TRIR: variants seen among roughly 807,000 people sequenced by gnomAD.
TRIR encodes the protein telomerase RNA component-interacting RNase.
Under a neutral mutation model 18.2 loss-of-function variants are expected in TRIR, and 5 were observed. That is an observed-to-expected ratio of 0.27 (90% CI 0.14 to 0.58). The LOEUF is 0.58. TRIR is among the 20% of genes least tolerant of loss of function. The pLI is 0.91. For synonymous variants in TRIR, 134 were observed against 114.4 expected (o/e 1.17, Z -1.10); for missense variants, 206 against 252.8 (o/e 0.81, Z 1.25).
rs1406406418 is a variant in TRIR, at chr19:12,731,228, C to T, written c.423+116G>A. ...TGGGGACCCATTGACAGCCCTCCTA[C>T]CCTGCCAGGCACACTCATAAAAGGC... On this transcript the variant is annotated intron_variant, in intron 2 of 2. Coordinates refer to ENST00000242784, the MANE Select transcript of TRIR (RefSeq NM_024038.4). This position sits in a 1 kb window ranked among gnomAD's most constrained non-coding sequence, Gnocchi z 5.1. The T allele has an allele frequency of 2.2e-6, 3 of 1,371,434 alleles. No individual in the cohort carries two copies. The highest frequency in any genetic ancestry group is 2.3e-5 in the East Asian group (1 of 43,662). 85.0% of individuals were successfully genotyped at this position (1,371,434 alleles called of 1,614,324 possible).
At position 12,734,445 on chromosome 19, in the gene TRIR, C is replaced by G; in HGVS notation, c.213G>C (p.Arg71=). 6.5e-7 allele frequency: 1 copy of G among 1,532,512 alleles called. No individual in the cohort carries two copies. Among genetic ancestry groups the G allele is most frequent in the Non-Finnish European group, 8.8e-7 (1 of 1,140,880 alleles). The allele number at this position is 1,532,512 out of a possible 1,614,324, so 94.9% of individuals were successfully genotyped here. A position where few individuals can be genotyped will look rare whatever the true frequency, so the allele number is the denominator to read the frequency against. The part of the protein sequence containing the change: ...NDGSFLELFK[R]KMEEEQRQRQ... ...GCTGCCGCTGCTCCTCCTCCATCTT[C>G]CGCTTGAACAGCTCCAGGAAGCTGC... The change falls in exon 1 of 3, where the codon CGG becomes CGC. Residue 71 remains arginine (R), a synonymous_variant. Coordinates refer to ENST00000242784, the MANE Select transcript of TRIR (RefSeq NM_024038.4). This position sits in a 1 kb window ranked among gnomAD's most constrained non-coding sequence, Gnocchi z 4.1.
chr19:12,731,534 GC>G lies in TRIR; in HGVS notation c.346-114del. The G allele has an allele frequency of 8.9e-7, 1 of 1,121,624 alleles. No homozygotes were observed. Among genetic ancestry groups the G allele is most frequent in the Non-Finnish European group, 1.3e-6 (1 of 796,074 alleles). 69.5% of individuals were successfully genotyped at this position (1,121,624 alleles called of 1,614,324 possible). On this transcript the variant is annotated intron_variant, in intron 1 of 2. Transcript: ENST00000242784. This position sits in a 1 kb window ranked among gnomAD's most constrained non-coding sequence, Gnocchi z 5.1. ...GCCTGGTGGCCCGTCCTGACGCCGC[GC>G]CCAGCTCCGCCAGCCGGCCGACCTG...
chr19:12,732,414 T>C lies in TRIR; in HGVS notation c.346-993A>G, dbSNP rs1210368767. Among the ~76,000 whole-genome samples the C allele has an allele frequency of 3.3e-5, 5 of 152,104 alleles. No homozygotes were observed. The East Asian group carries it at 9.7e-4, about 29-fold the overall frequency. The stretch of plus-strand genomic sequence containing the variant: ...CATGAAGGGACTCCACTCGCAGGTA[T>C]CACACCAACCCTGGTCCTGACGCTT... On this transcript the variant is annotated intron_variant, in intron 1 of 2. Coordinates refer to ENST00000242784, the MANE Select transcript of TRIR (RefSeq NM_024038.4).
At chr19:12,732,078 T>C (rs1205573898) in intron 1 of TRIR, among the ~76,000 whole-genome samples, 5 of 137,730 alleles carry the variant, frequency 3.6e-5, no homozygotes, top group Non-Finnish European at 7.6e-5. Flanking sequence ...GAGCCGAGGT[T>C]GCACCATTGC....
chr19:12,733,937 T>G (rs1967481597), intron 1 of TRIR, among the ~76,000 whole-genome samples: 1 of 152,244 alleles, frequency 6.6e-6, no homozygotes, highest in Non-Finnish European at 1.5e-5. Flanking sequence ...GTACGTGGTC[T>G]GAGTCTAACA....
chr19:12,732,601 T>C (rs1967453877), intron 1 of TRIR, among the ~76,000 whole-genome samples: 1 of 151,960 alleles, frequency 6.6e-6, no homozygotes, highest in Non-Finnish European at 1.5e-5. Context: ...TTTCCATTTT[T>C]TTTTTTTTTT....
intron 1 of TRIR, among the ~76,000 whole-genome samples, chr19:12,732,486 C>T (rs776494834): frequency 1.3e-5 from 2 of 152,208 alleles, no homozygotes; most frequent in Non-Finnish European, 2.9e-5. Context: ...AGCCTTTCAT[C>T]CTGTATCCCA....
rs1967420300 is a variant in TRIR, at chr19:12,731,131, G to A, written c.424-63C>T. On this transcript the variant is annotated intron_variant, in intron 2 of 2. Coordinates refer to ENST00000242784, the MANE Select transcript of TRIR (RefSeq NM_024038.4). The surrounding 1 kb of genome is among the most constrained non-coding windows in gnomAD (Gnocchi z 5.1). ...GGAACCAGGGTCAGGACTGCCCTGA[G>A]ACAGGTGACCCATTCCCAGTGTCAC... 4 of 1,411,748 alleles carry A rather than the reference G, an allele frequency of 2.8e-6. No homozygotes were observed. Among genetic ancestry groups the A allele is most frequent in the Non-Finnish European group, 4.0e-6 (4 of 996,684 alleles). 87.5% of individuals were successfully genotyped at this position (1,411,748 alleles called of 1,614,324 possible). A position where few individuals can be genotyped will look rare whatever the true frequency, so the allele number is the denominator to read the frequency against.
chr19:12,733,057 C>T (rs1340991340), intron 1 of TRIR, among the ~76,000 whole-genome samples: 1 of 152,104 alleles, frequency 6.6e-6, no homozygotes, highest in Non-Finnish European at 1.5e-5. Flanking sequence ...GCATGTGTGG[C>T]ACCATGCCCA....
Position 12,734,621 on chromosome 19 carries a change from G to T in TRIR, c.37C>A (p.Arg13=), listed in dbSNP as rs765918313. Residue 13 remains arginine (R), a synonymous_variant, in exon 1 of 3, where the codon CGG becomes AGG. Coordinates refer to ENST00000242784, the MANE Select transcript of TRIR (RefSeq NM_024038.4). This position sits in a 1 kb window ranked among gnomAD's most constrained non-coding sequence, Gnocchi z 4.1. The part of the protein sequence containing the change: ...ARGRRAEPQG[R]EAPGPAGGGG... ...CCGCCCGCGGGGCCCGGAGCCTCCC[G>T]GCCCTGAGGCTCCGCCCGTCTCCCT... The T allele has an allele frequency of 1.5e-5, 23 of 1,514,440 alleles. No individual in the cohort carries two copies. In the South Asian group the frequency reaches 2.3e-4, roughly 15 times the overall value. 93.8% of individuals were successfully genotyped at this position (1,514,440 alleles called of 1,614,324 possible). A position where few individuals can be genotyped will look rare whatever the true frequency, so the allele number is the denominator to read the frequency against.
intron 1 of TRIR, among the ~76,000 whole-genome samples, chr19:12,733,981 C>T (rs1967482919): frequency 6.6e-6 from 1 of 152,202 alleles, no homozygotes. Context: ...AAATTTACTC[C>T]CTTTCCTCAC....
chr19:12,732,451 C>T (rs1967449393), intron 1 of TRIR, among the ~76,000 whole-genome samples: 1 of 152,208 alleles, frequency 6.6e-6, no homozygotes, highest in South Asian at 2.1e-4. Flanking sequence ...TCCTTCCTTA[C>T]CCTTGCCTCA....
intron 1 of TRIR, among the ~76,000 whole-genome samples, chr19:12,733,932 T>G (rs1373983263): frequency 2.0e-5 from 3 of 152,236 alleles, no homozygotes; most frequent in African/African-American, 4.8e-5. Context: ...ACATAGTACG[T>G]GGTCTGAGTC....
rs561417547 is a variant in TRIR, at chr19:12,731,907, G to A, written c.346-486C>T. 16 of 155,044 alleles carry A rather than the reference G, an allele frequency of 1.0e-4. No homozygotes were observed. Among genetic ancestry groups the A allele is most frequent in the South Asian group, 1.9e-4 (1 of 5,160 alleles). The allele number at this position is 155,044 out of a possible 1,614,324, so 9.6% of individuals were successfully genotyped here. ...GGAGGTAGAATCGGGTAGATCACCT[G>A]AAGTCAGGAGTTTGAGACCAGCCTG... On this transcript the variant is annotated intron_variant, in intron 1 of 2. Transcript: ENST00000242784. The surrounding 1 kb of genome is among the most constrained non-coding windows in gnomAD (Gnocchi z 5.1).
intron 1 of TRIR, among the ~76,000 whole-genome samples, chr19:12,733,337 C>T (rs1478110692): frequency 6.6e-6 from 1 of 152,178 alleles, no homozygotes; most frequent in African/African-American, 2.4e-5. Context: ...CTCCACACTA[C>T]AGGGACTTGA....
rs2145674515 is a variant in TRIR at position 12,734,190 on chromosome 19, G to C, written c.345+123C>G. 1 of 1,015,892 alleles carries C rather than the reference G, an allele frequency of 9.8e-7. No individual in the cohort carries two copies. The highest frequency in any genetic ancestry group is 3.2e-5 in the East Asian group (1 of 31,090). 62.9% of individuals were successfully genotyped at this position (1,015,892 alleles called of 1,614,324 possible). A position where few individuals can be genotyped will look rare whatever the true frequency, so the allele number is the denominator to read the frequency against. ...TCCAAGTTCCACACCCTCAGCGGGT[G>C]ACCCGGACGGGCCCCTCATTCAGAA... On this transcript the variant is annotated intron_variant, in intron 1 of 2. Transcript: ENST00000242784. This position sits in a 1 kb window ranked among gnomAD's most constrained non-coding sequence, Gnocchi z 4.1.
rs1464713545 is a variant in TRIR, at chr19:12,730,941, G to A, written c.*20C>T. The stretch of plus-strand genomic sequence containing the variant: ...TACATCGCAGAGAGTCCCAGGCCAT[G>A]GGCAGGTGGGGGAGGGGCGTCATTT... On this transcript the variant is annotated 3_prime_UTR_variant, in exon 3 of 3. Coordinates refer to ENST00000242784, the MANE Select transcript of TRIR (RefSeq NM_024038.4). 10 of 1,599,278 alleles carry A rather than the reference G, an allele frequency of 6.3e-6. No individual in the cohort carries two copies. The highest frequency in any genetic ancestry group is 8.6e-7 in the Non-Finnish European group (1 of 1,166,632).
rs534181036 is a variant in TRIR, at chr19:12,730,823, C to T, written c.*138G>A. The T allele has an allele frequency of 1.3e-4, 100 of 745,738 alleles. 2 individuals are homozygous for T. In the South Asian group the frequency reaches 1.6e-3, roughly 12 times the overall value. 46.2% of individuals were successfully genotyped at this position (745,738 alleles called of 1,614,324 possible). ...AGGTAAAAAAAGAGTCCTGGAGAAT[C>T]GTCCACGGCTGCGGGAAGCATCTCG... On this transcript the variant is annotated 3_prime_UTR_variant, in exon 3 of 3. Coordinates refer to ENST00000242784, the MANE Select transcript of TRIR (RefSeq NM_024038.4).
Position 12,730,931 on chromosome 19 carries a change from C to G in TRIR, c.*30G>C. The G allele has an allele frequency of 1.3e-6, 2 of 1,583,826 alleles. No individual in the cohort carries two copies. The highest frequency in any genetic ancestry group is 2.7e-5 in the African/African-American group (2 of 74,364). On this transcript the variant is annotated 3_prime_UTR_variant, in exon 3 of 3. Coordinates refer to ENST00000242784, the MANE Select transcript of TRIR (RefSeq NM_024038.4). ...AATAGTTATGTACATCGCAGAGAGT[C>G]CCAGGCCATGGGCAGGTGGGGGAGG...
Sources: allele counts gnomAD v4.1 joint callset (sites outside exome capture counted in the v4.1 genomes callset), GRCh38; gene constraint gnomAD v4.1.1; non-coding constraint Gnocchi (gnomAD v3.1); transcripts MANE v1.5; gene names NCBI Gene and HGNC (gene_info 2026-07-23, HGNC 2026-07-21).